QTMAN: variants seen among roughly 807,000 people sequenced by gnomAD.
QTMAN encodes queuosine-tRNA mannosyltransferase, also known as tRNA-queuosine alpha-mannosyltransferase.
At chr2:144,038,157 T>C in the QTMAN span, among the ~76,000 whole-genome samples, 4 of 152,312 alleles carry the variant, frequency 2.6e-5, no homozygotes, top group Middle Eastern at 3.4e-3. Context: ...CTCTTTTCCC[T>C]GATAAAAAAA....
the QTMAN span, among the ~76,000 whole-genome samples, chr2:144,091,327 A>C: frequency 6.6e-6 from 1 of 152,130 alleles, no homozygotes; most frequent in Admixed American, 6.5e-5. Flanking sequence ...TCTAGGAAAA[A>C]CCTGGGAGAA....
chr2:143,965,777 G>A, the QTMAN span, among the ~76,000 whole-genome samples: 6,269 of 152,178 alleles, frequency 0.041, 192 homozygotes, highest in East Asian at 0.091. Context: ...GGGAATCTCT[G>A]GTTGAAAACC....
At chr2:144,160,483 G>C in the QTMAN span, among the ~76,000 whole-genome samples, 2 of 152,100 alleles carry the variant, frequency 1.3e-5, no homozygotes, top group African/African-American at 4.8e-5. Flanking sequence ...TCTCACATGA[G>C]TATTACATGG....
At chr2:144,274,120 G>A in the QTMAN span, among the ~76,000 whole-genome samples, 22 of 152,160 alleles carry the variant, frequency 1.4e-4, no homozygotes, top group Non-Finnish European at 2.6e-4. Context: ...GCAACACAGC[G>A]AGACTCCGTC....
chr2:144,309,125 C>T, the QTMAN span, among the ~76,000 whole-genome samples: 1 of 152,110 alleles, frequency 6.6e-6, no homozygotes. Flanking sequence ...CAAGTGCTGG[C>T]CAGAATGTGG....
At chr2:143,988,936 C>T in the QTMAN span, among the ~76,000 whole-genome samples, 1 of 152,066 alleles carries the variant, frequency 6.6e-6, no homozygotes, top group Non-Finnish European at 1.5e-5. Flanking sequence ...TTTCAGATGC[C>T]CTTTTAGGGT....
the QTMAN span, among the ~76,000 whole-genome samples, chr2:144,137,762 A>G: frequency 1.3e-5 from 2 of 150,822 alleles, no homozygotes; most frequent in African/African-American, 4.8e-5. Flanking sequence ...AGACAGACAG[A>G]GAGAGATCTC....
At chr2:143,960,921 G>T in the QTMAN span, among the ~76,000 whole-genome samples, 2 of 152,050 alleles carry the variant, frequency 1.3e-5, no homozygotes, top group African/African-American at 4.8e-5. Flanking sequence ...ATCCCCTTGC[G>T]GGTGGGAATT....
chr2:144,215,309 T>TATATAC, the QTMAN span, among the ~76,000 whole-genome samples: 1 of 149,544 alleles, frequency 6.7e-6, no homozygotes, highest in African/African-American at 2.5e-5. Flanking sequence ...TATATATATA[T>TATATAC]ACACACACAC....
chr2:144,279,570 G>C, the QTMAN span, among the ~76,000 whole-genome samples: 1 of 152,062 alleles, frequency 6.6e-6, no homozygotes, highest in Non-Finnish European at 1.5e-5. Context: ...CTCATCCTTA[G>C]GAATTCCAAT....
chr2:144,273,951 T>G, the QTMAN span, among the ~76,000 whole-genome samples: 7 of 152,182 alleles, frequency 4.6e-5, no homozygotes, highest in South Asian at 8.3e-4. Context: ...CTGGCCAACA[T>G]GGTGAAACCC....
chr2:144,145,473 AAAAAGGTGTACAATAGTAGG>A, the QTMAN span: 1 of 766,762 alleles, frequency 1.3e-6, no homozygotes, highest in Non-Finnish European at 2.1e-6. Context: ...GGTGTTTTAA[AAAAAGGTGTACAATAGTAGG>A]TCTCCAGATT....
At chr2:144,146,282 G>A in the QTMAN span, among the ~76,000 whole-genome samples, 153 of 149,516 alleles carry the variant, frequency 1.0e-3, 1 homozygote, top group African/African-American at 3.6e-3. Context: ...CACTTGTAAA[G>A]TATCTTACAA....
At chr2:144,316,970 AT>A in the QTMAN span, among the ~76,000 whole-genome samples, 42 of 152,338 alleles carry the variant, frequency 2.8e-4, no homozygotes, top group African/African-American at 9.4e-4. Flanking sequence ...CTGTTTCAAG[AT>A]TTTGGAAAGA....
chr2:144,319,051 G>A, the QTMAN span, among the ~76,000 whole-genome samples: 1 of 151,968 alleles, frequency 6.6e-6, no homozygotes, highest in Non-Finnish European at 1.5e-5. Flanking sequence ...AAATACATAG[G>A]TTTATTTTCA....
the QTMAN span, among the ~76,000 whole-genome samples, chr2:144,135,425 T>C: frequency 6.6e-6 from 1 of 152,144 alleles, no homozygotes; most frequent in Non-Finnish European, 1.5e-5. Context: ...AAAAAGATGT[T>C]TTCTTACACA....
chr2:144,105,361 G>C, the QTMAN span, among the ~76,000 whole-genome samples: 1 of 152,124 alleles, frequency 6.6e-6, no homozygotes, highest in African/African-American at 2.4e-5. Flanking sequence ...CTTGAAAAAA[G>C]ATTAGACGAA....
the QTMAN span, among the ~76,000 whole-genome samples, chr2:144,068,138 C>T: frequency 1.3e-5 from 2 of 152,178 alleles, no homozygotes; most frequent in South Asian, 2.1e-4. Flanking sequence ...CACACATACA[C>T]ACACACATAC....
the QTMAN span, among the ~76,000 whole-genome samples, chr2:144,019,547 A>G: frequency 1.3e-5 from 2 of 151,790 alleles, no homozygotes; most frequent in African/African-American, 2.4e-5. Context: ...TCAGGAATTT[A>G]TCAGTCCAGG....
Sources: gnomAD v4.1 joint callset for allele counts (sites outside exome capture counted in the v4.1 genomes callset) on GRCh38, gnomAD v4.1.1 for gene constraint, MANE v1.5 for transcripts, NCBI Gene and HGNC (gene_info 2026-07-23, HGNC 2026-07-21) for gene names.